The following ANK2 variants were observed in gnomAD, a reference collection of about 807,000 sequenced individuals.
The protein encoded by ANK2 is ankyrin 2.
ANK2 carries 83 observed loss-of-function variants against 360.5 expected under a neutral mutation model. The observed-to-expected ratio is 0.23, with a 90% CI of 0.19 to 0.28. The LOEUF (loss-of-function observed/expected upper bound fraction) is 0.28. ANK2 is among the 10% of genes least tolerant of loss of function. ANK2 has a pLI of 1.00. For missense variants in ANK2, 4,201 were observed against 4,795.7 expected (o/e 0.88, Z 3.66); for synonymous variants, 1,740 against 1,759.5 (o/e 0.99, Z 0.28).
At position 113,358,970 on chromosome 4, in the gene ANK2, C is replaced by G. The variant is rs1219397825; in HGVS notation, c.10352C>G (p.Ser3451Cys). The G allele has an allele frequency of 1.9e-6, 3 of 1,613,978 alleles. No individual in the cohort carries two copies. In the Admixed American group the frequency reaches 5.0e-5, roughly 27 times the overall value. Residue 3451 changes from serine (S) to cysteine (C), a missense_variant, in exon 38 of 46, where the codon TCT becomes TGT. By Grantham distance (112) the Ser-to-Cys change is moderately radical. Around this residue, in one of 4 missense-constraint regions of ANK2, gnomAD observed 2,642 missense variants for 2,714.5 expected, o/e 0.97. Coordinates refer to ENST00000357077, the MANE Select transcript of ANK2 (RefSeq NM_001148.6). ...RLPVKSRSTTSSCRGGTSPTK... is the reference protein window; with the variant it reads ...RLPVKSRSTTCSCRGGTSPTK... ...CCAGTTAAGAGCAGAAGCACTACAT[C>G]TTCCTGCAGGGGGGGCACGAGCCCC...
intron 1 of ANK2, among the ~76,000 whole-genome samples, chr4:113,107,319 C>T (rs1396665260): frequency 6.6e-6 from 1 of 152,032 alleles, no homozygotes; most frequent in African/African-American, 2.4e-5. Context: ...CAGGTTTAAA[C>T]GATTCTCCTG....
rs143011028 is a variant in ANK2, at chr4:112,871,272, G to A, written c.-39-33183G>A. Among the ~76,000 whole-genome samples the A allele has an allele frequency of 5.6e-3, 850 of 151,542 alleles. 4 individuals carry two copies. The highest frequency in any genetic ancestry group is 0.019 in the African/African-American group (795 of 41,306). On this transcript the variant is annotated intron_variant, in intron 1 of 30. Transcript: ENST00000503271. ...ACCATCTCGTCTCACTGCAATCTCC[G>A]TCTCCTGGGTTCAAGCAATTCTCCT...
chr4:113,158,926 A>C (rs558522027), intron 1 of ANK2, among the ~76,000 whole-genome samples: 1 of 152,120 alleles, frequency 6.6e-6, no homozygotes, highest in African/African-American at 2.4e-5. Flanking sequence ...GTGATTTTTG[A>C]AGTTTATTTT....
intron 45 of ANK2, among the ~76,000 whole-genome samples, chr4:113,377,803 A>G (rs1310640034): frequency 6.6e-6 from 1 of 152,112 alleles, no homozygotes; most frequent in Non-Finnish European, 1.5e-5. Flanking sequence ...TAAAATCTCC[A>G]CTGTAGAAAG....
chr4:113,108,940 T>C (rs1374915264), intron 1 of ANK2, among the ~76,000 whole-genome samples: 1 of 152,214 alleles, frequency 6.6e-6, no homozygotes, highest in Non-Finnish European at 1.5e-5. Flanking sequence ...CAAGTTGCAA[T>C]TCTCTGTTAA....
chr4:113,235,111 C>T (rs1276180679), intron 5 of ANK2, among the ~76,000 whole-genome samples: 1 of 152,108 alleles, frequency 6.6e-6, no homozygotes, highest in African/African-American at 2.4e-5. Context: ...GTTCTGTGAG[C>T]AAATGCCTCA....
chr4:113,189,195 A>T (rs1405390028), intron 2 of ANK2, among the ~76,000 whole-genome samples: 1 of 152,188 alleles, frequency 6.6e-6, no homozygotes, highest in Non-Finnish European at 1.5e-5. Flanking sequence ...CCTGAAATTG[A>T]TACCAAACAC....
At chr4:113,187,916 A>G (rs759664948) in intron 2 of ANK2, among the ~76,000 whole-genome samples, 2 of 152,216 alleles carry the variant, frequency 1.3e-5, no homozygotes, top group Non-Finnish European at 2.9e-5. Context: ...GTTATATCAA[A>G]TAATAGTTTA....
chr4:113,105,632 G>A (rs1462338101), intron 1 of ANK2, among the ~76,000 whole-genome samples: 1 of 152,136 alleles, frequency 6.6e-6, no homozygotes, highest in Admixed American at 6.5e-5. Flanking sequence ...TAGGCATGAA[G>A]GTTCATTTGT....
At chr4:112,791,607 G>A in the ANK2 span, among the ~76,000 whole-genome samples, 2 of 149,886 alleles carry the variant, frequency 1.3e-5, no homozygotes, top group Admixed American at 6.8e-5. Context: ...TCCTGCTTCA[G>A]CCTCCTGAGT....
chr4:113,345,801 T>C (rs1218940058), intron 34 of ANK2, 99 bp from the exon 35 acceptor site: 10 of 1,499,286 alleles, frequency 6.7e-6, no homozygotes, highest in Non-Finnish European at 9.3e-6. Context: ...TACCTAGCAG[T>C]AACAAATGAA....
rs114118047 is a variant in ANK2, at chr4:113,263,918, C to T, written c.1387-979C>T. On this transcript the variant is annotated intron_variant, in intron 13 of 45. Transcript: ENST00000357077. Reference sequence around the variant, plus strand: ...GAGACAGTAGAGTAATAACCGGCTACTTGATGAGAAAATTCTCTTAATCAA... The same window carrying T: ...GAGACAGTAGAGTAATAACCGGCTATTTGATGAGAAAATTCTCTTAATCAA... Among the ~76,000 whole-genome samples the T allele has an allele frequency of 6.9e-3, 1,058 of 152,270 alleles. 8 individuals carry two copies. The highest frequency in any genetic ancestry group is 0.01 in the African/African-American group (418 of 41,554).
chr4:112,973,162 A>G (rs547858674), intron 2 of ANK2, among the ~76,000 whole-genome samples: 1 of 151,618 alleles, frequency 6.6e-6, no homozygotes, highest in Non-Finnish European at 1.5e-5. Context: ...TACTCCAAAA[A>G]CTATTGAAAT....
chr4:113,330,512 CT>C, intron 27 of ANK2, 42 bp downstream of exon 27: 1 of 1,583,638 alleles, frequency 6.3e-7, no homozygotes, highest in South Asian at 1.1e-5. Context: ...CATCGATGAG[CT>C]TGTGTCCTCT....
chr4:112,934,141 C>G lies in ANK2; in HGVS notation c.21+29627C>G, dbSNP rs2093519409. Among the ~76,000 whole-genome samples, 3 of 151,668 alleles carry G rather than the reference C, an allele frequency of 2.0e-5. 1 individual carries two copies. Among genetic ancestry groups the G allele is most frequent in the Admixed American group, 6.6e-5 (1 of 15,234 alleles). On this transcript the variant is annotated intron_variant, in intron 2 of 30. Coordinates refer to the ANK2 transcript ENST00000503271. ...GTAGTTTCGGGAGACAGAATTGTGA[C>G]CAATTTATGAGAGAATAAATTAGAA...
chr4:113,276,807 A>G (rs1337012264), intron 15 of ANK2, among the ~76,000 whole-genome samples: 1 of 152,202 alleles, frequency 6.6e-6, no homozygotes, highest in Non-Finnish European at 1.5e-5. Context: ...CTTGGGGGAT[A>G]TTCTGTGTTT....
chr4:113,004,782 C>T (rs927917808), intron 2 of ANK2, among the ~76,000 whole-genome samples: 3 of 152,162 alleles, frequency 2.0e-5, no homozygotes, highest in Admixed American at 6.6e-5. Context: ...ATCAGCATCA[C>T]CACAAACACA....
chr4:113,314,944 AC>A (rs35388528), intron 24 of ANK2, among the ~76,000 whole-genome samples: 23,128 of 152,146 alleles, frequency 0.15, 2,462 homozygotes, highest in African/African-American at 0.31. Context: ...TATGGTTTTG[AC>A]TTATTCATTG....
At chr4:112,951,433 A>G (rs1489905495) in intron 2 of ANK2, among the ~76,000 whole-genome samples, 2 of 152,260 alleles carry the variant, frequency 1.3e-5, no homozygotes, top group Non-Finnish European at 2.9e-5. Flanking sequence ...TAAAAAGATC[A>G]TAATTTCCTT....
Sources: allele counts gnomAD v4.1 joint callset (sites outside exome capture counted in the v4.1 genomes callset), GRCh38; gene constraint gnomAD v4.1.1; regional missense constraint gnomAD v4.1.1; transcripts MANE v1.5; gene names NCBI Gene and HGNC (gene_info 2026-07-23, HGNC 2026-07-21).